SLC35F1: variants seen among roughly 807,000 people sequenced by gnomAD.
SLC35F1 encodes chromosome 6 open reading frame 169.
Under a neutral mutation model 48.7 loss-of-function variants are expected in SLC35F1, and 14 were observed. The observed-to-expected ratio is 0.29, with a 90% CI of 0.19 to 0.45. The LOEUF (loss-of-function observed/expected upper bound fraction) is 0.45. Among genes scored for constraint, SLC35F1 ranks in the 20% least tolerant of loss-of-function variants. The probability of loss-of-function intolerance (pLI) is 1.00; values close to 1 mark genes in which losing one functional copy is unlikely to be tolerated. For synonymous variants in SLC35F1, 190 were observed against 202.2 expected (o/e 0.94, Z 0.51); for missense variants, 404 against 500.0 (o/e 0.81, Z 1.83).
chr6:117,954,874 T>A (rs1269548359), intron 1 of SLC35F1, among the ~76,000 whole-genome samples: 1 of 152,238 alleles, frequency 6.6e-6, no homozygotes, highest in Non-Finnish European at 1.5e-5. Context: ...CCCAAGATTT[T>A]CTTACTCATT....
intron 1 of SLC35F1, among the ~76,000 whole-genome samples, chr6:118,101,356 T>C (rs1348331463): frequency 6.6e-6 from 1 of 152,194 alleles, no homozygotes; most frequent in African/African-American, 2.4e-5. Flanking sequence ...AGTGAGGATC[T>C]GCTGTGTGAA....
chr6:117,990,238 C>G (rs952075601), intron 1 of SLC35F1, among the ~76,000 whole-genome samples: 12 of 152,128 alleles, frequency 7.9e-5, no homozygotes, highest in Non-Finnish European at 1.8e-4. Flanking sequence ...GAATCCTGAG[C>G]TTTAGAGTCA....
intron 2 of SLC35F1, among the ~76,000 whole-genome samples, chr6:118,192,385 A>T (rs193106869): frequency 6.6e-6 from 1 of 152,264 alleles, no homozygotes; most frequent in East Asian, 1.9e-4. Flanking sequence ...TTTACCCATG[A>T]TACGATTTTA....
At chr6:118,138,401 T>TA (rs1191194641) in intron 1 of SLC35F1, among the ~76,000 whole-genome samples, 1 of 152,082 alleles carries the variant, frequency 6.6e-6, no homozygotes, top group Non-Finnish European at 1.5e-5. Flanking sequence ...ACTATCAACA[T>TA]AAACTAAAAC....
intron 1 of SLC35F1, among the ~76,000 whole-genome samples, chr6:118,031,149 T>G (rs1264767515): frequency 1.3e-5 from 2 of 152,244 alleles, no homozygotes; most frequent in East Asian, 3.9e-4. Flanking sequence ...AAGTGAAAAA[T>G]CAGTATCTTT....
intron 1 of SLC35F1, among the ~76,000 whole-genome samples, chr6:118,039,982 C>T (rs887564679): frequency 1.3e-5 from 2 of 152,040 alleles, no homozygotes; most frequent in African/African-American, 4.8e-5. Flanking sequence ...TTGATTAATT[C>T]TGTCTTGCTT....
chr6:118,044,494 T>A (rs1772271957), intron 1 of SLC35F1, among the ~76,000 whole-genome samples: 1 of 152,130 alleles, frequency 6.6e-6, no homozygotes, highest in Non-Finnish European at 1.5e-5. Context: ...TTTCCTGAAG[T>A]ATGCCTTCAC....
intron 1 of SLC35F1, among the ~76,000 whole-genome samples, chr6:118,002,312 GA>G (rs1231465698): frequency 1.3e-5 from 2 of 152,182 alleles, no homozygotes; most frequent in Non-Finnish European, 2.9e-5. Context: ...GGACATGGAT[GA>G]AATTGGAAAT....
rs1582767358 is a variant in SLC35F1 at position 118,280,050 on chromosome 6, T to C, written c.847+2504T>C. ...CACTTTTAAAAACAGATTTTGTTATTTTCCTACAACACTGGCCAATTGCAA... is the reference window on the plus strand; with the variant it reads ...CACTTTTAAAAACAGATTTTGTTATCTTCCTACAACACTGGCCAATTGCAA... On this transcript the variant is annotated intron_variant, in intron 6 of 7. Transcript: ENST00000360388. Among the ~76,000 whole-genome samples the C allele has an allele frequency of 3.3e-5, 5 of 152,234 alleles. No individual in the cohort carries two copies. The East Asian group carries it at 7.7e-4, about 23-fold the overall frequency.
intron 1 of SLC35F1, among the ~76,000 whole-genome samples, chr6:118,010,920 T>C (rs556435648): frequency 2.6e-5 from 4 of 152,288 alleles, no homozygotes; most frequent in Admixed American, 2.6e-4. Flanking sequence ...TCTAGACAAG[T>C]GCTTCTCAAT....
intron 2 of SLC35F1, among the ~76,000 whole-genome samples, chr6:118,183,927 C>T (rs1774620020): frequency 6.6e-6 from 1 of 152,082 alleles, no homozygotes; most frequent in Non-Finnish European, 1.5e-5. Context: ...ATTCTTTGAC[C>T]TTTCATTCGT....
intron 7 of SLC35F1, 40 bp downstream of exon 7, chr6:118,285,378 G>A: frequency 6.2e-7 from 1 of 1,609,154 alleles, no homozygotes; most frequent in Non-Finnish European, 8.5e-7. Flanking sequence ...ATGATACTTT[G>A]TAGGAAACAA....
At chr6:118,117,746 G>T (rs1773493497) in intron 1 of SLC35F1, among the ~76,000 whole-genome samples, 1 of 152,018 alleles carries the variant, frequency 6.6e-6, no homozygotes, top group Non-Finnish European at 1.5e-5. Flanking sequence ...AATCACTTCA[G>T]GTGCCCAGAC....
chr6:117,921,972 A>C (rs1409867231), intron 1 of SLC35F1, among the ~76,000 whole-genome samples: 1 of 152,230 alleles, frequency 6.6e-6, no homozygotes, highest in Non-Finnish European at 1.5e-5. Context: ...AACAACAAAA[A>C]AAGATTTCTT....
At chr6:118,157,983 C>T (rs960708049) in intron 2 of SLC35F1, among the ~76,000 whole-genome samples, 1 of 152,032 alleles carries the variant, frequency 6.6e-6, no homozygotes, top group African/African-American at 2.4e-5. Context: ...GGAAGAAAGA[C>T]CAATGGAAAG....
chr6:117,963,204 C>T (rs1318659106), intron 1 of SLC35F1, among the ~76,000 whole-genome samples: 1 of 152,104 alleles, frequency 6.6e-6, no homozygotes, highest in Non-Finnish European at 1.5e-5. Flanking sequence ...CATTGCTGAT[C>T]TATAAAATGA....
chr6:118,235,543 A>T lies in SLC35F1; in HGVS notation c.384A>T (p.Arg128Ser). 3.1e-6 allele frequency: 5 copies of T among 1,613,488 alleles called. No homozygotes were observed. The highest frequency in any genetic ancestry group is 3.4e-6 in the Non-Finnish European group (4 of 1,179,638). The change falls in exon 3 of 8, where the codon AGA becomes AGT. Residue 128 changes from arginine (R) to serine (S), a missense_variant. Arg to Ser is a moderately radical substitution (Grantham distance 110). Coordinates refer to ENST00000360388, the MANE Select transcript of SLC35F1 (RefSeq NM_001029858.4). ...ACCTCCTGGCAATTTTACGACGAAG[A>T]TGGTGGAAGTACATGATTTTGGGAC... ...EENLLAILRRRWWKYMILGLI... is the reference protein window; with the variant it reads ...EENLLAILRRSWWKYMILGLI...
At chr6:118,057,928 C>A (rs1772485944) in intron 1 of SLC35F1, among the ~76,000 whole-genome samples, 1 of 151,960 alleles carries the variant, frequency 6.6e-6, no homozygotes, top group South Asian at 2.1e-4. Context: ...AAAAGGCAGG[C>A]AGGGATGTTT....
At chr6:118,300,568 A>G (rs1289293725) in intron 7 of SLC35F1, among the ~76,000 whole-genome samples, 1 of 152,234 alleles carries the variant, frequency 6.6e-6, no homozygotes, top group Non-Finnish European at 1.5e-5. Context: ...AATAAGAAGG[A>G]ACTCTAAATA....
Sources: allele counts gnomAD v4.1 joint callset (sites outside exome capture counted in the v4.1 genomes callset), GRCh38; gene constraint gnomAD v4.1.1; transcripts MANE v1.5; gene names NCBI Gene and HGNC (gene_info 2026-07-23, HGNC 2026-07-21).